The following THRAP3 variants were observed in gnomAD, a reference collection of about 807,000 sequenced individuals.
The protein encoded by THRAP3 is thyroid hormone receptor-associated protein 3.
In THRAP3, 16 loss-of-function variants were observed where a neutral mutation model predicts 101.0. That is an observed-to-expected ratio of 0.16 (90% CI 0.11 to 0.24). THRAP3 has a LOEUF of 0.24. THRAP3 is among the 10% of genes least tolerant of loss of function. The pLI, the probability that THRAP3 is intolerant of heterozygous loss-of-function variation, is 1.00. For synonymous variants in THRAP3, 407 were observed against 422.6 expected (o/e 0.96, Z 0.45); for missense variants, 989 against 1,202.7 (o/e 0.82, Z 2.63).
At position 36,297,565 on chromosome 1, in the gene THRAP3, C is replaced by T. The variant is rs188166066; in HGVS notation, c.2303+795C>T. On this transcript the variant is annotated intron_variant, in intron 9 of 11. Transcript: ENST00000354618. The stretch of plus-strand genomic sequence containing the variant: ...GCGGGTTCAAGCAATTCTCCTGCCT[C>T]AGCCTCCTGAGTAGCTGGGATTACA... 3.2e-3 allele frequency among the ~76,000 whole-genome samples: 479 copies of T among 151,348 alleles called. 1 individual carries two copies. The highest frequency in any genetic ancestry group is 0.011 in the African/African-American group (443 of 41,242).
chr1:36,242,412 C>T (rs1645171928), intron 1 of THRAP3, among the ~76,000 whole-genome samples: 2 of 150,578 alleles, frequency 1.3e-5, no homozygotes, highest in South Asian at 4.2e-4. Context: ...CTTAGTCTCT[C>T]AAAGTGCTGG....
At chr1:36,209,190 C>A in the THRAP3 span, among the ~76,000 whole-genome samples, 4 of 152,002 alleles carry the variant, frequency 2.6e-5, no homozygotes, top group Non-Finnish European at 5.9e-5. Flanking sequence ...ATTGCCCAGG[C>A]TGGTCTCAAA....
chr1:36,295,148 G>C (rs969555660), intron 8 of THRAP3, among the ~76,000 whole-genome samples: 1 of 150,956 alleles, frequency 6.6e-6, no homozygotes, highest in Non-Finnish European at 1.5e-5. Context: ...ACTTGAACCT[G>C]GGAGGTGGAG....
chr1:36,282,233 CTCTT>C (rs1645741514), intron 2 of THRAP3, among the ~76,000 whole-genome samples: 1 of 113,816 alleles, frequency 8.8e-6, no homozygotes, highest in African/African-American at 2.6e-5. Flanking sequence ...GCCACTTTCT[CTCTT>C]TTTTTTTTTT....
At chr1:36,211,833 G>A in the THRAP3 span, among the ~76,000 whole-genome samples, 6 of 152,156 alleles carry the variant, frequency 3.9e-5, no homozygotes, top group South Asian at 1.2e-3. Flanking sequence ...TTCCATAGGT[G>A]GCCCTTCAAG....
chr1:36,272,235 G>T (rs1200146077), intron 2 of THRAP3, among the ~76,000 whole-genome samples: 1 of 152,122 alleles, frequency 6.6e-6, no homozygotes, highest in African/African-American at 2.4e-5. Flanking sequence ...TCCCCAGAGG[G>T]ACATCACCCC....
chr1:36,208,106 T>TA, the THRAP3 span, among the ~76,000 whole-genome samples: 6 of 152,218 alleles, frequency 3.9e-5, no homozygotes, highest in Non-Finnish European at 8.8e-5. Flanking sequence ...AAAGACTTCT[T>TA]AGCCTACCTG....
chr1:36,291,596 A>G (rs768451685), intron 6 of THRAP3, 50 bp downstream of exon 6: 19 of 1,589,510 alleles, frequency 1.2e-5, no homozygotes, highest in Non-Finnish European at 1.5e-5. Flanking sequence ...CACTTAGAAG[A>G]AGGATGAATG....
chr1:36,270,409 A>G (rs1019725272), intron 2 of THRAP3, among the ~76,000 whole-genome samples: 2 of 152,060 alleles, frequency 1.3e-5, no homozygotes, highest in Non-Finnish European at 2.9e-5. Flanking sequence ...ACACACGCAC[A>G]CAGGCACACG....
chr1:36,224,732 T>A (rs905147148), intron 1 of THRAP3, among the ~76,000 whole-genome samples: 2 of 151,934 alleles, frequency 1.3e-5, no homozygotes, highest in Admixed American at 1.3e-4. Context: ...CTCCCAAGGC[T>A]CTTGGTCGCC....
At chr1:36,248,649 T>G (rs1645260706) in intron 1 of THRAP3, among the ~76,000 whole-genome samples, 1 of 151,698 alleles carries the variant, frequency 6.6e-6, no homozygotes, top group Non-Finnish European at 1.5e-5. Context: ...AACTCCTGGC[T>G]TCCAGCATTT....
chr1:36,302,504 G>A (rs955485139), intron 11 of THRAP3, among the ~76,000 whole-genome samples: 1 of 152,196 alleles, frequency 6.6e-6, no homozygotes, highest in Non-Finnish European at 1.5e-5. Context: ...CTGGGCCCGG[G>A]TTAGGTGCTG....
chr1:36,286,789 A>G lies in THRAP3; in HGVS notation c.559A>G (p.Ser187Gly), dbSNP rs1439332927. ...GGAGAAAAAGTCCTCTTCTAAGGAT[A>G]GCCGGCCATCTCAGGCTGCCGGGGA... Reference protein sequence around the residue: ...AKEKKSSSKDSRPSQAAGDNQ... With the variant: ...AKEKKSSSKDGRPSQAAGDNQ... The change falls in exon 4 of 12, where the codon AGC becomes GGC. Residue 187 changes from serine (S) to glycine (G), a missense_variant. By Grantham distance (56) the Ser-to-Gly change is moderately conservative. Transcript: ENST00000354618. The surrounding 1 kb of genome is among the most constrained non-coding windows in gnomAD (Gnocchi z 5.5). The G allele has an allele frequency of 6.2e-7, 1 of 1,614,268 alleles. No individual in the cohort carries two copies. The highest frequency in any genetic ancestry group is 8.5e-7 in the Non-Finnish European group (1 of 1,180,048).
intron 1 of THRAP3, among the ~76,000 whole-genome samples, chr1:36,226,059 A>T (rs1260336540): frequency 6.6e-6 from 1 of 152,160 alleles, no homozygotes; most frequent in African/African-American, 2.4e-5. Flanking sequence ...TGATGGTAGT[A>T]GTAGTACCAC....
intron 4 of THRAP3, chr1:36,287,604 G>C: frequency 1.0e-6 from 1 of 985,378 alleles, no homozygotes; most frequent in Admixed American, 6.1e-5. Context: ...TATGGTCTTT[G>C]CCAAAATGAA....
At chr1:36,275,755 C>T (rs770036769) in intron 2 of THRAP3, among the ~76,000 whole-genome samples, 23 of 151,942 alleles carry the variant, frequency 1.5e-4, no homozygotes, top group Non-Finnish European at 2.4e-4. Flanking sequence ...GGTGTGGTGG[C>T]TCATGCCTGT....
At chr1:36,250,785 C>T (rs1324390336) in intron 1 of THRAP3, among the ~76,000 whole-genome samples, 1 of 151,756 alleles carries the variant, frequency 6.6e-6, no homozygotes, top group Non-Finnish European at 1.5e-5. Flanking sequence ...TGGTGGTGCG[C>T]GCCTGTAATC....
chr1:36,220,972 A>AAAATATAT (rs1285765741), upstream of THRAP3, among the ~76,000 whole-genome samples: 2 of 94,124 alleles, frequency 2.1e-5, no homozygotes, highest in African/African-American at 4.7e-5. Context: ...AAAAAAAAAA[A>AAAATATAT]ATATATATAT....
chr1:36,291,568 C>T (rs757396800), intron 6 of THRAP3, 22 bp downstream of exon 6: 3 of 1,608,262 alleles, frequency 1.9e-6, no homozygotes, highest in Admixed American at 1.7e-5. Flanking sequence ...CCCTGGCCTG[C>T]TTCAGGCTCG....
Sources: allele counts gnomAD v4.1 joint callset (sites outside exome capture counted in the v4.1 genomes callset), GRCh38; gene constraint gnomAD v4.1.1; non-coding constraint Gnocchi (gnomAD v3.1); transcripts MANE v1.5; gene names NCBI Gene and HGNC (gene_info 2026-07-23, HGNC 2026-07-21).